The following LONP2 variants were observed in gnomAD, a reference collection of about 807,000 sequenced individuals.
LONP2 encodes lon peptidase 2, peroxisomal, also known as lon protease homolog 2, peroxisomal.
A neutral mutation model predicts 85.6 loss-of-function variants in LONP2; 60 were observed. That is an observed-to-expected ratio of 0.70 (90% confidence interval 0.57 to 0.87). The LOEUF is 0.87. Among genes scored for constraint, LONP2 ranks in the 40% least tolerant of loss-of-function variants. The probability of loss-of-function intolerance (pLI) is 0.00; values close to 1 mark genes in which losing one functional copy is unlikely to be tolerated. For missense variants in LONP2, 860 were observed against 1,063.5 expected (o/e 0.81, Z 2.66); for synonymous variants, 395 against 389.7 (o/e 1.01, Z -0.16).
At position 48,334,077 on chromosome 16, in the gene LONP2, G is replaced by A. The variant is rs1959558719; in HGVS notation, c.1796-139G>A. 12 of 700,916 alleles carry A rather than the reference G, an allele frequency of 1.7e-5. No individual in the cohort carries two copies. The South Asian group carries it at 2.2e-4, about 13-fold the overall frequency. The allele number at this position is 700,916 out of a possible 1,614,324, so 43.4% of individuals were successfully genotyped here. ...TCACCTGCATTCCACAGATACACAG[G>A]TGAATGTTTGCCTTGATAAATGCAT... On this transcript the variant is annotated intron_variant, in intron 11 of 14. Coordinates refer to ENST00000285737, the MANE Select transcript of LONP2 (RefSeq NM_031490.5).
At chr16:48,319,261 A>G (rs1348704049) in intron 11 of LONP2, among the ~76,000 whole-genome samples, 1 of 152,044 alleles carries the variant, frequency 6.6e-6, no homozygotes, top group African/African-American at 2.4e-5. Flanking sequence ...GGTGCCTGTA[A>G]TCTCAGCTAC....
intron 4 of LONP2, among the ~76,000 whole-genome samples, chr16:48,259,408 T>C (rs1016257746): frequency 4.6e-5 from 7 of 152,360 alleles, no homozygotes; most frequent in Middle Eastern, 3.4e-3. Flanking sequence ...ATATGTATGA[T>C]GGGATCTGTT....
At chr16:48,291,459 A>T (rs1277118776) in intron 8 of LONP2, among the ~76,000 whole-genome samples, 2 of 152,240 alleles carry the variant, frequency 1.3e-5, no homozygotes, top group African/African-American at 4.8e-5. Context: ...AGAAATTATT[A>T]TTGAAGAATA....
At chr16:48,312,450 G>A (rs970490442) in intron 11 of LONP2, among the ~76,000 whole-genome samples, 1 of 150,674 alleles carries the variant, frequency 6.6e-6, no homozygotes, top group East Asian at 1.9e-4. Flanking sequence ...GTTTACTTTT[G>A]TTGGGGCAGG....
chr16:48,289,843 A>C lies in LONP2; in HGVS notation c.1384-6172A>C, dbSNP rs192900902. 7.2e-5 allele frequency among the ~76,000 whole-genome samples: 11 copies of C among 152,282 alleles called. No homozygotes were observed. In the East Asian group the frequency reaches 2.1e-3, roughly 29 times the overall value. ...ACCACTGGTCTAAATAGATAAACAA[A>C]TGTCTTCACAAATGGGTAGTAGGTT... On this transcript the variant is annotated intron_variant, in intron 8 of 14. Coordinates refer to ENST00000285737, the MANE Select transcript of LONP2 (RefSeq NM_031490.5).
intron 6 of LONP2, 94 bp from the exon 7 acceptor site, chr16:48,269,922 C>G: frequency 7.6e-7 from 1 of 1,307,940 alleles, no homozygotes; most frequent in African/African-American, 1.5e-5. Flanking sequence ...CATCTATTTT[C>G]AAAAAAAATA....
intron 11 of LONP2, among the ~76,000 whole-genome samples, chr16:48,321,019 C>T (rs535016492): frequency 3.3e-5 from 5 of 152,238 alleles, no homozygotes; most frequent in Non-Finnish European, 7.4e-5. Flanking sequence ...CTGCAACCTC[C>T]ACCTCACGGG....
chr16:48,354,800 A>T lies in LONP2; in HGVS notation c.*2998A>T, dbSNP rs955508442. ...TTTCTTCAAAATAATGGGGTGCAGA[A>T]GGGTAGGGATGAACCTCTTCCTCCT... On this transcript the variant is annotated 3_prime_UTR_variant, in exon 15 of 15. Coordinates refer to ENST00000285737, the MANE Select transcript of LONP2 (RefSeq NM_031490.5). 2 of 152,190 alleles carry T rather than the reference A, an allele frequency of 1.3e-5. No individual in the cohort carries two copies. The highest frequency in any genetic ancestry group is 4.8e-5 in the African/African-American group (2 of 41,444). The allele number at this position is 152,190 out of a possible 1,614,324, so 9.4% of individuals were successfully genotyped here. A position where few individuals can be genotyped will look rare whatever the true frequency, so the allele number is the denominator to read the frequency against.
chr16:48,310,346 A>G (rs1973004895), intron 11 of LONP2, among the ~76,000 whole-genome samples: 1 of 144,456 alleles, frequency 6.9e-6, no homozygotes, highest in Admixed American at 7.0e-5. Flanking sequence ...TGCTTTGTAG[A>G]TTTTTTTTTT....
At chr16:48,252,609 A>C (rs192504833) in intron 2 of LONP2, among the ~76,000 whole-genome samples, 56 of 152,330 alleles carry the variant, frequency 3.7e-4, no homozygotes, top group African/African-American at 7.0e-4. Context: ...TCTAACTTCT[A>C]CTGTCTCTAA....
At chr16:48,334,163 T>C in intron 11 of LONP2, 53 bp from the exon 12 acceptor site, 1 of 1,567,754 alleles carries the variant, frequency 6.4e-7, no homozygotes, top group Non-Finnish European at 8.7e-7. Flanking sequence ...GCTAGTGAAT[T>C]TTCCAGCCTG....
At position 48,288,153 on chromosome 16, in the gene LONP2, T is replaced by C. The variant is rs541545816; in HGVS notation, c.1384-7862T>C. 5.4e-3 allele frequency among the ~76,000 whole-genome samples: 791 copies of C among 145,736 alleles called. 5 individuals carry two copies. The highest frequency in any genetic ancestry group is 0.018 in the African/African-American group (704 of 39,760). ...ATAAGAATGTATTAGTCTTCTTCTT[T>C]TTTTTTTTTTTTTTTTTTGAGACGG... On this transcript the variant is annotated intron_variant, in intron 8 of 14. Coordinates refer to ENST00000285737, the MANE Select transcript of LONP2 (RefSeq NM_031490.5).
intron 8 of LONP2, among the ~76,000 whole-genome samples, chr16:48,292,748 C>T (rs748388336): frequency 6.6e-6 from 1 of 152,212 alleles, no homozygotes; most frequent in Non-Finnish European, 1.5e-5. Flanking sequence ...TGTTTCTGTA[C>T]ACTCTTTGTT....
chr16:48,304,322 A>G (rs541471648), intron 11 of LONP2, among the ~76,000 whole-genome samples: 1 of 152,378 alleles, frequency 6.6e-6, no homozygotes, highest in African/African-American at 2.4e-5. Flanking sequence ...AACTAAATGT[A>G]ATTTAAATTA....
At chr16:48,271,965 T>G (rs1254319085) in intron 7 of LONP2, among the ~76,000 whole-genome samples, 1 of 152,234 alleles carries the variant, frequency 6.6e-6, no homozygotes, top group Non-Finnish European at 1.5e-5. Context: ...CTAAATCTTC[T>G]AATTTTAGCT....
intron 7 of LONP2, among the ~76,000 whole-genome samples, chr16:48,275,377 A>G (rs1487729642): frequency 6.6e-6 from 1 of 152,148 alleles, no homozygotes; most frequent in Non-Finnish European, 1.5e-5. Flanking sequence ...GTGGGGAACA[A>G]TCTTACAGCT....
chr16:48,348,618 G>A (rs994024760), intron 14 of LONP2, among the ~76,000 whole-genome samples: 33 of 150,134 alleles, frequency 2.2e-4, no homozygotes, highest in Non-Finnish European at 3.8e-4. Context: ...TCTATCTCCC[G>A]AATAGCTGGG....
At chr16:48,246,802 T>C (rs1444953332) in intron 1 of LONP2, among the ~76,000 whole-genome samples, 1 of 152,124 alleles carries the variant, frequency 6.6e-6, no homozygotes, top group African/African-American at 2.4e-5. Context: ...CTCAAACTCC[T>C]GGACTCAAGC....
intron 6 of LONP2, 77 bp from the exon 7 acceptor site, chr16:48,269,939 C>A (rs748186265): frequency 6.9e-7 from 1 of 1,454,938 alleles, no homozygotes; most frequent in Admixed American, 2.3e-5. Context: ...AATATTTTGC[C>A]CTCGTCATGC....
Sources: allele counts gnomAD v4.1 joint callset (sites outside exome capture counted in the v4.1 genomes callset), GRCh38; gene constraint gnomAD v4.1.1; transcripts MANE v1.5; gene names NCBI Gene and HGNC (gene_info 2026-07-23, HGNC 2026-07-21).